Variants in MARCHF1 observed in about 807,000 individuals in gnomAD.
MARCHF1 encodes E3 ubiquitin-protein ligase MARCHF1.
In MARCHF1, 40 loss-of-function variants were observed where a neutral mutation model predicts 54.2. The ratio of observed to expected loss-of-function variants is 0.74; its 90% confidence interval spans 0.57 to 0.96. The LOEUF (loss-of-function observed/expected upper bound fraction) is 0.96, where lower values mean the gene tolerates loss of function less well. Ranked by LOEUF, MARCHF1 falls within the 40% of genes least tolerant of loss-of-function variation. The probability of loss-of-function intolerance (pLI) is 0.00; values close to 1 mark genes in which losing one functional copy is unlikely to be tolerated. For missense variants in MARCHF1, 586 were observed against 656.5 expected (o/e 0.89, Z 1.17); for synonymous variants, 236 against 236.3 (o/e 1.00, Z 0.01).
chr4:164,274,659 CTTTTT>C (rs70952617), intron 1 of MARCHF1, among the ~76,000 whole-genome samples: 1,888 of 44,628 alleles, frequency 0.042, 439 homozygotes, highest in East Asian at 0.14. Context: ...TCAGGGTACA[CTTTTT>C]TTTTTTTTTT....
At chr4:163,741,274 A>G (rs1746187064) in intron 4 of MARCHF1, among the ~76,000 whole-genome samples, 1 of 152,030 alleles carries the variant, frequency 6.6e-6, no homozygotes, top group Admixed American at 6.6e-5. Flanking sequence ...TACGAGTGTT[A>G]TTGATGTGTT....
intron 1 of MARCHF1, among the ~76,000 whole-genome samples, chr4:164,377,583 C>T (rs1019286479): frequency 7.7e-6 from 1 of 129,124 alleles, no homozygotes; most frequent in Non-Finnish European, 1.7e-5. Flanking sequence ...AGGAGCCTTA[C>T]TTTTTATGCA....
At chr4:163,542,108 A>G (rs897643132) in intron 9 of MARCHF1, among the ~76,000 whole-genome samples, 1 of 152,246 alleles carries the variant, frequency 6.6e-6, no homozygotes, top group Non-Finnish European at 1.5e-5. Flanking sequence ...TATAAAAATC[A>G]TGTCATTTTC....
At chr4:163,756,303 A>G (rs1473783630) in intron 4 of MARCHF1, among the ~76,000 whole-genome samples, 2 of 152,064 alleles carry the variant, frequency 1.3e-5, no homozygotes, top group Non-Finnish European at 2.9e-5. Flanking sequence ...CAGTATAGAG[A>G]GATCATGGGT....
chr4:163,566,513 A>G (rs190480974), intron 8 of MARCHF1, among the ~76,000 whole-genome samples: 54 of 152,316 alleles, frequency 3.5e-4, no homozygotes, highest in African/African-American at 1.2e-3. Context: ...GGTGTTGACT[A>G]TGAAAGCTAA....
At chr4:164,123,418 C>A (rs984588320) in intron 1 of MARCHF1, among the ~76,000 whole-genome samples, 1 of 151,902 alleles carries the variant, frequency 6.6e-6, no homozygotes, top group Non-Finnish European at 1.5e-5. Flanking sequence ...ATCTCTACCA[C>A]TGACATTCTT....
At chr4:164,138,083 C>T (rs765392955) in intron 1 of MARCHF1, among the ~76,000 whole-genome samples, 1 of 152,044 alleles carries the variant, frequency 6.6e-6, no homozygotes, top group African/African-American at 2.4e-5. Context: ...ACAGTGGACC[C>T]CAGCAGCCAG....
intron 1 of MARCHF1, among the ~76,000 whole-genome samples, chr4:164,141,733 A>G (rs185000649): frequency 6.2e-4 from 95 of 152,352 alleles, no homozygotes; most frequent in African/African-American, 2.0e-3. Flanking sequence ...ACCTTTATAA[A>G]TAACCCTGGT....
At chr4:164,047,921 G>GA (rs1430653615) in intron 2 of MARCHF1, among the ~76,000 whole-genome samples, 2 of 152,054 alleles carry the variant, frequency 1.3e-5, no homozygotes, top group East Asian at 3.9e-4. Flanking sequence ...AGCTCCATGA[G>GA]AAATATTATT....
intron 1 of MARCHF1, among the ~76,000 whole-genome samples, chr4:164,221,319 T>C (rs1732104435): frequency 6.6e-6 from 1 of 151,844 alleles, no homozygotes; most frequent in South Asian, 2.1e-4. Flanking sequence ...ATCTAGTGGA[T>C]AAACCAGACA....
intron 3 of MARCHF1, among the ~76,000 whole-genome samples, chr4:163,975,393 T>A (rs1166362832): frequency 2.6e-5 from 4 of 152,112 alleles, no homozygotes; most frequent in Non-Finnish European, 5.9e-5. Context: ...GGGCTGCATA[T>A]AAGATACAAC....
intron 5 of MARCHF1, among the ~76,000 whole-genome samples, chr4:163,660,684 T>C (rs1363385342): frequency 6.6e-6 from 1 of 152,052 alleles, no homozygotes; most frequent in Non-Finnish European, 1.5e-5. Context: ...TAAAACTCAA[T>C]TAAAATGTCT....
chr4:163,688,191 T>A (rs1035857759), intron 5 of MARCHF1, among the ~76,000 whole-genome samples: 2 of 151,424 alleles, frequency 1.3e-5, no homozygotes, highest in African/African-American at 4.9e-5. Flanking sequence ...AAAGCAGGAC[T>A]CAATTGTAAC....
In MARCHF1 at chr4:164,188,779, T is replaced by A. The variant is rs1156481810; in HGVS notation, c.-322-77117A>T. 3.3e-6 allele frequency: 3 copies of A among 912,718 alleles called. No individual in the cohort carries two copies. In the African/African-American group the frequency reaches 4.9e-5, roughly 15 times the overall value. 56.5% of individuals were successfully genotyped at this position (912,718 alleles called of 1,614,324 possible). On this transcript the variant is annotated intron_variant, in intron 1 of 9. Coordinates refer to ENST00000514618, the MANE Select transcript of MARCHF1 (RefSeq NM_001394959.1). ...CATACGTTCAAGTTGATATTGGAGG[T>A]GGGCAAACAAAGACATTTGCTCCTG...
chr4:164,180,598 AGAG>A (rs1261428903), intron 1 of MARCHF1, among the ~76,000 whole-genome samples: 3 of 152,198 alleles, frequency 2.0e-5, no homozygotes, highest in African/African-American at 7.2e-5. Flanking sequence ...ATTATGCAGC[AGAG>A]GAGACAGTGA....
intron 8 of MARCHF1, among the ~76,000 whole-genome samples, chr4:163,573,463 TC>T (rs1220231798): frequency 1.4e-4 from 8 of 56,670 alleles, no homozygotes; most frequent in African/African-American, 5.6e-4. Flanking sequence ...CCCTCCCCCC[TC>T]CCCCCACCCC....
chr4:163,721,312 T>C (rs1335922997), intron 4 of MARCHF1, among the ~76,000 whole-genome samples: 5 of 152,226 alleles, frequency 3.3e-5, no homozygotes, highest in Non-Finnish European at 4.4e-5. Flanking sequence ...TTTGGTTCTG[T>C]TTATATGCTG....
intron 1 of MARCHF1, among the ~76,000 whole-genome samples, chr4:164,251,917 T>A (rs938584939): frequency 6.6e-6 from 1 of 152,136 alleles, no homozygotes; most frequent in East Asian, 1.9e-4. Flanking sequence ...ATAGCACCAA[T>A]AGATTTTAAA....
At chr4:164,167,994 C>T (rs1054546445) in intron 1 of MARCHF1, among the ~76,000 whole-genome samples, 3 of 151,762 alleles carry the variant, frequency 2.0e-5, no homozygotes, top group East Asian at 3.9e-4. Context: ...TCTAGGTACT[C>T]GGAAAACATA....
Sources: gnomAD v4.1 joint callset for allele counts (sites outside exome capture counted in the v4.1 genomes callset) on GRCh38, gnomAD v4.1.1 for gene constraint, MANE v1.5 for transcripts, NCBI Gene and HGNC (gene_info 2026-07-23, HGNC 2026-07-21) for gene names.